SH3GL2: variants seen among roughly 807,000 people sequenced by gnomAD.
The protein encoded by SH3GL2 is endophilin-A1.
In SH3GL2, 24 loss-of-function variants were observed where a neutral mutation model predicts 46.0. That is an observed-to-expected ratio of 0.52 (90% CI 0.38 to 0.73). SH3GL2 has a LOEUF of 0.73. Among genes scored for constraint, SH3GL2 ranks in the 30% least tolerant of loss-of-function variants. SH3GL2 has a pLI of 0.00. For synonymous variants in SH3GL2, 196 were observed against 147.1 expected (o/e 1.33, Z -2.40); for missense variants, 413 against 424.2 (o/e 0.97, Z 0.23).
rs73645330 is a variant in SH3GL2, at chr9:17,785,777, T to C, written c.188-604T>C. Among the ~76,000 whole-genome samples the C allele has an allele frequency of 3.2e-3, 492 of 152,316 alleles. 7 individuals carry two copies. The highest frequency in any genetic ancestry group is 0.011 in the African/African-American group (463 of 41,568). On this transcript the variant is annotated intron_variant, in intron 3 of 8. Coordinates refer to ENST00000380607, the MANE Select transcript of SH3GL2 (RefSeq NM_003026.5). ...AAACTAATTTTCTCTAGTTATGTGC[T>C]GGAGAAGTGATTAAGTCTTTTAAAT...
At chr9:17,741,326 A>T (rs1443121289) in intron 1 of SH3GL2, among the ~76,000 whole-genome samples, 1 of 152,208 alleles carries the variant, frequency 6.6e-6, no homozygotes, top group Non-Finnish European at 1.5e-5. Context: ...ATATGTGCAT[A>T]TGCATATAAA....
chr9:17,721,642 C>T (rs1821896255), intron 1 of SH3GL2, among the ~76,000 whole-genome samples: 1 of 151,934 alleles, frequency 6.6e-6, no homozygotes, highest in African/African-American at 2.4e-5. Flanking sequence ...TTTTTATGGG[C>T]AGCTATCTAT....
intron 1 of SH3GL2, among the ~76,000 whole-genome samples, chr9:17,622,522 C>T (rs1368889343): frequency 2.0e-5 from 3 of 152,124 alleles, no homozygotes; most frequent in South Asian, 4.1e-4. Flanking sequence ...GATTCGGCGC[C>T]ACCTGTGGGA....
chr9:17,629,727 T>A (rs1588187588), intron 1 of SH3GL2, among the ~76,000 whole-genome samples: 1 of 152,220 alleles, frequency 6.6e-6, no homozygotes, highest in South Asian at 2.1e-4. Context: ...TAAGCCTGTT[T>A]GTTTCCTGTT....
chr9:17,619,320 T>A (rs7855907), intron 1 of SH3GL2, among the ~76,000 whole-genome samples: 59,324 of 152,038 alleles, frequency 0.39, 11,855 homozygotes, highest in East Asian at 0.6. Context: ...TATTTGAGAA[T>A]TTCCCCTGTT....
At chr9:17,728,418 T>C (rs1468100314) in intron 1 of SH3GL2, among the ~76,000 whole-genome samples, 1 of 152,098 alleles carries the variant, frequency 6.6e-6, no homozygotes, top group Non-Finnish European at 1.5e-5. Flanking sequence ...TAAAACCTTC[T>C]ACTTACAGAT....
intron 1 of SH3GL2, among the ~76,000 whole-genome samples, chr9:17,657,669 T>G (rs1820120607): frequency 6.6e-6 from 1 of 152,196 alleles, no homozygotes; most frequent in Non-Finnish European, 1.5e-5. Context: ...CGTTAGTATT[T>G]GTGGCACTCA....
At chr9:17,682,906 A>G (rs1371996865) in intron 1 of SH3GL2, among the ~76,000 whole-genome samples, 2 of 152,066 alleles carry the variant, frequency 1.3e-5, no homozygotes, top group African/African-American at 4.8e-5. Context: ...CTGACAAGAA[A>G]CCTTCTGTGA....
At chr9:17,610,062 C>A (rs185848975) in intron 1 of SH3GL2, among the ~76,000 whole-genome samples, 26 of 152,326 alleles carry the variant, frequency 1.7e-4, no homozygotes, top group Admixed American at 9.8e-4. Flanking sequence ...ATTGTCATAT[C>A]CCCTGTGTGC....
chr9:17,702,012 A>G (rs968333621), intron 1 of SH3GL2, among the ~76,000 whole-genome samples: 24 of 152,096 alleles, frequency 1.6e-4, no homozygotes, highest in Non-Finnish European at 3.5e-4. Flanking sequence ...TAATAAGGAA[A>G]ACTAGCCCTA....
At chr9:17,697,064 A>G (rs1821221620) in intron 1 of SH3GL2, among the ~76,000 whole-genome samples, 1 of 152,188 alleles carries the variant, frequency 6.6e-6, no homozygotes, top group East Asian at 1.9e-4. Flanking sequence ...CTCTTTAAGA[A>G]TCAGCTCCCT....
intron 1 of SH3GL2, among the ~76,000 whole-genome samples, chr9:17,732,592 G>A (rs10116926): frequency 0.3 from 44,995 of 151,970 alleles, 8,038 homozygotes; most frequent in African/African-American, 0.49. Context: ...AGTGCTGAAT[G>A]GTTAGGCACA....
chr9:17,645,363 C>A lies in SH3GL2; in HGVS notation c.45+66076C>A, dbSNP rs370473120. 1.9e-4 allele frequency among the ~76,000 whole-genome samples: 29 copies of A among 151,916 alleles called. 1 individual carries two copies. In the East Asian group the frequency reaches 3.9e-3, roughly 20 times the overall value. On this transcript the variant is annotated intron_variant, in intron 1 of 8. Transcript: ENST00000380607. ...GTGCCTTTTAATTGGGGCATTTATC[C>A]CATTTACATTTAAGGTTAATATTCT...
intron 2 of SH3GL2, among the ~76,000 whole-genome samples, chr9:17,753,386 T>C (rs1034118477): frequency 6.6e-6 from 1 of 151,986 alleles, no homozygotes; most frequent in African/African-American, 2.4e-5. Flanking sequence ...TTTTGACTTT[T>C]TATCTCATTG....
At chr9:17,708,661 T>C (rs1264932482) in intron 1 of SH3GL2, among the ~76,000 whole-genome samples, 2 of 152,024 alleles carry the variant, frequency 1.3e-5, no homozygotes, top group Admixed American at 6.6e-5. Flanking sequence ...TTTACCCTCA[T>C]GTGGCTAAGA....
chr9:17,580,365 C>T lies in SH3GL2; in HGVS notation c.45+1078C>T, dbSNP rs542424310. Among the ~76,000 whole-genome samples, 7 of 152,220 alleles carry T rather than the reference C, an allele frequency of 4.6e-5. No individual in the cohort carries two copies. The South Asian group carries it at 1.5e-3, about 32-fold the overall frequency. On this transcript the variant is annotated intron_variant, in intron 1 of 8. Coordinates refer to ENST00000380607, the MANE Select transcript of SH3GL2 (RefSeq NM_003026.5). Reference sequence around the variant, plus strand: ...TTTTCCTAGGCTACCACAGTGGCAGCCTTGTTATGAACCACATCCAGAAAA... The same window carrying T: ...TTTTCCTAGGCTACCACAGTGGCAGTCTTGTTATGAACCACATCCAGAAAA...
intron 1 of SH3GL2, among the ~76,000 whole-genome samples, chr9:17,628,411 GGTGTGTGTGTGT>G (rs3084633): frequency 0.17 from 24,340 of 143,648 alleles, 1,999 homozygotes; most frequent in Middle Eastern, 0.24. Context: ...CTATATCTTG[GGTGTGTGTGTGT>G]GTGTGTGTGT....
chr9:17,778,425 A>T (rs9407864), intron 3 of SH3GL2, among the ~76,000 whole-genome samples: 17,604 of 152,092 alleles, frequency 0.12, 1,133 homozygotes, highest in Admixed American at 0.15. Flanking sequence ...AGGGGGAGAG[A>T]GTGACCGGGT....
chr9:17,671,707 C>T (rs190524449), intron 1 of SH3GL2, among the ~76,000 whole-genome samples: 29 of 152,232 alleles, frequency 1.9e-4, no homozygotes, highest in African/African-American at 6.5e-4. Context: ...CTAACCTTTG[C>T]AGTATTGTGC....
Sources: allele counts gnomAD v4.1 joint callset (sites outside exome capture counted in the v4.1 genomes callset), GRCh38; gene constraint gnomAD v4.1.1; transcripts MANE v1.5; gene names NCBI Gene and HGNC (gene_info 2026-07-23, HGNC 2026-07-21).